The following RAD51B variants were observed in gnomAD, a reference collection of about 807,000 sequenced individuals.
RAD51B encodes DNA repair protein RAD51 homolog 2.
A neutral mutation model predicts 42.2 loss-of-function variants in RAD51B; 38 were observed. That is an observed-to-expected ratio of 0.90 (90% CI 0.70 to 1.18). The LOEUF (loss-of-function observed/expected upper bound fraction) is 1.18, where lower values mean the gene tolerates loss of function less well. Among genes scored for constraint, RAD51B ranks in the 50% most tolerant of loss-of-function variants. The pLI, the probability that RAD51B is intolerant of heterozygous loss-of-function variation, is 0.00. For missense variants in RAD51B, 373 were observed against 400.7 expected, an observed-to-expected ratio of 0.93 and a Z score of 0.59; for synonymous variants, 154 against 145.2, an observed-to-expected ratio of 1.06 and a Z score of -0.43.
At chr14:68,027,926 T>A (rs2075979853) in intron 7 of RAD51B, among the ~76,000 whole-genome samples, 2 of 152,216 alleles carry the variant, frequency 1.3e-5, no homozygotes, top group African/African-American at 4.8e-5. Context: ...ATTCTTGCAC[T>A]GATTTTTTTT....
At chr14:68,457,885 T>G (rs554648160) in intron 9 of RAD51B, among the ~76,000 whole-genome samples, 1 of 150,382 alleles carries the variant, frequency 6.6e-6, no homozygotes, top group East Asian at 1.9e-4. Flanking sequence ...AGTGCTGGGA[T>G]TACAGGCGTG....
At chr14:68,180,737 G>C (rs2079047053) in intron 7 of RAD51B, among the ~76,000 whole-genome samples, 1 of 152,188 alleles carries the variant, frequency 6.6e-6, no homozygotes, top group African/African-American at 2.4e-5. Flanking sequence ...CAGATGTATA[G>C]AATGCACTGA....
chr14:68,073,674 T>C (rs1039371477), intron 7 of RAD51B, among the ~76,000 whole-genome samples: 1 of 152,198 alleles, frequency 6.6e-6, no homozygotes, highest in Non-Finnish European at 1.5e-5. Flanking sequence ...CCTTCATTTC[T>C]GTAGTACTCC....
chr14:67,934,164 T>C (rs1173841526), intron 7 of RAD51B, among the ~76,000 whole-genome samples: 1 of 152,258 alleles, frequency 6.6e-6, no homozygotes, highest in African/African-American at 2.4e-5. Flanking sequence ...TGAAGGGAAC[T>C]GTAACCACTA....
chr14:68,420,422 G>A (rs374393148), intron 9 of RAD51B, among the ~76,000 whole-genome samples: 2 of 152,004 alleles, frequency 1.3e-5, no homozygotes, highest in African/African-American at 4.8e-5. Flanking sequence ...CTGCTGGCTC[G>A]CTATTTTTAT....
chr14:68,433,967 G>A lies in RAD51B; in HGVS notation c.957+22440G>A, dbSNP rs551634146. On this transcript the variant is annotated intron_variant, in intron 9 of 10. Transcript: ENST00000471583. ...TGTTTGTTAGTTTTCCTTCTAACAG[G>A]ACCCTCAGCTGTAGGTCTGTTGGTG... 5.3e-5 allele frequency among the ~76,000 whole-genome samples: 8 copies of A among 152,232 alleles called. No individual in the cohort carries two copies. In the South Asian group the frequency reaches 1.7e-3, roughly 32 times the overall value.
chr14:68,500,716 C>G (rs186776332), intron 10 of RAD51B, among the ~76,000 whole-genome samples: 5 of 152,304 alleles, frequency 3.3e-5, no homozygotes, highest in Admixed American at 3.3e-4. Context: ...CTCCAGGGCT[C>G]TAAGGTCCTT....
At chr14:68,414,769 C>G (rs1390102355) in intron 9 of RAD51B, among the ~76,000 whole-genome samples, 1 of 150,524 alleles carries the variant, frequency 6.6e-6, no homozygotes, top group Non-Finnish European at 1.5e-5. Context: ...GCCTGTAATC[C>G]CAGCACTTTT....
intron 8 of RAD51B, among the ~76,000 whole-genome samples, chr14:68,296,496 G>A (rs2081616701): frequency 6.6e-6 from 1 of 152,148 alleles, no homozygotes; most frequent in South Asian, 2.1e-4. Context: ...CTCAGTCATA[G>A]GTAACATCTC....
At position 68,667,305 on chromosome 14, in the gene RAD51B, T is replaced by C. The variant is rs371307065; in HGVS notation, c.*11+16449T>C. Among the ~76,000 whole-genome samples the C allele has an allele frequency of 1.9e-4, 29 of 152,370 alleles. No individual in the cohort carries two copies. The South Asian group carries it at 6.0e-3, about 32-fold the overall frequency. ...AACTCAGGCAGAATTTCTGTTGCAG[T>C]CTGGAGGCAGAATTCCTTCTTCTTC... On this transcript the variant is annotated intron_variant, in intron 11 of 11. Transcript: ENST00000488612.
rs564708374 is a variant in RAD51B, at chr14:68,059,634, G to A, written c.756+172430G>A. 2.6e-5 allele frequency among the ~76,000 whole-genome samples: 4 copies of A among 152,234 alleles called. No homozygotes were observed. The East Asian group carries it at 7.7e-4, about 29-fold the overall frequency. On this transcript the variant is annotated intron_variant, in intron 7 of 10. Coordinates refer to ENST00000471583, the MANE Select transcript of RAD51B (RefSeq NM_133510.4). Reference sequence around the variant, plus strand: ...TTAGGTCATATACGACTCCTTCCATGACATCCTGTTTCCCTGGCCAAAAGT... The same window carrying A: ...TTAGGTCATATACGACTCCTTCCATAACATCCTGTTTCCCTGGCCAAAAGT...
intron 7 of RAD51B, among the ~76,000 whole-genome samples, chr14:68,244,298 C>T (rs866893030): frequency 4.6e-5 from 7 of 152,262 alleles, no homozygotes; most frequent in Middle Eastern, 3.4e-3. Flanking sequence ...CCTAGGAAAT[C>T]GAGGCTTTTT....
intron 7 of RAD51B, among the ~76,000 whole-genome samples, chr14:68,012,744 C>G (rs1437830376): frequency 6.6e-6 from 1 of 152,088 alleles, no homozygotes; most frequent in African/African-American, 2.4e-5. Context: ...TGTGGTGCTT[C>G]TTACACATGG....
At chr14:68,595,310 C>T (rs1890944685) in exon 11 of RAD51B, 2 of 1,066,318 alleles carry the variant, frequency 1.9e-6, no homozygotes, top group South Asian at 4.5e-5. Flanking sequence ...TTTGCTGTTA[C>T]AATAAGCTTG....
intron 10 of RAD51B, among the ~76,000 whole-genome samples, chr14:68,629,051 C>T (rs899090717): frequency 2.6e-5 from 4 of 152,152 alleles, no homozygotes; most frequent in Admixed American, 2.0e-4. Context: ...TGCAGGAAGG[C>T]CATCACCCCT....
chr14:68,446,487 C>T (rs1183754901), intron 9 of RAD51B, among the ~76,000 whole-genome samples: 1 of 152,096 alleles, frequency 6.6e-6, no homozygotes, highest in Non-Finnish European at 1.5e-5. Flanking sequence ...CTGATTGTAC[C>T]CACTGGGTTC....
intron 7 of RAD51B, among the ~76,000 whole-genome samples, chr14:68,251,303 G>A (rs1470486486): frequency 2.0e-5 from 3 of 152,104 alleles, no homozygotes; most frequent in Admixed American, 2.0e-4. Context: ...CCTCCCTCCT[G>A]AGTTTATGCA....
intron 7 of RAD51B, among the ~76,000 whole-genome samples, chr14:68,058,957 AT>A (rs1351419437): frequency 6.6e-6 from 1 of 152,198 alleles, no homozygotes; most frequent in Non-Finnish European, 1.5e-5. Context: ...GACATCAAAT[AT>A]ACCACTTAGT....
intron 7 of RAD51B, among the ~76,000 whole-genome samples, chr14:68,221,816 T>TA (rs2079933332): frequency 6.6e-6 from 1 of 152,056 alleles, no homozygotes; most frequent in African/African-American, 2.4e-5. Context: ...ATCCAGAATC[T>TA]AAAAAGAACT....
Sources: allele counts gnomAD v4.1 joint callset (sites outside exome capture counted in the v4.1 genomes callset), GRCh38; gene constraint gnomAD v4.1.1; transcripts MANE v1.5; gene names NCBI Gene and HGNC (gene_info 2026-07-23, HGNC 2026-07-21).